Variants in GINM1 observed in about 807,000 individuals in gnomAD.
GINM1 encodes glycosylated integral membrane protein 1.
A neutral mutation model predicts 37.8 loss-of-function variants in GINM1; 29 were observed. That is an observed-to-expected ratio of 0.77 (90% CI 0.57 to 1.05). GINM1 has a LOEUF of 1.05. GINM1 is among the 50% of genes least tolerant of loss of function. The pLI is 0.00. For missense variants in GINM1, 377 were observed against 397.9 expected (o/e 0.95, Z 0.45); for synonymous variants, 143 against 146.2 (o/e 0.98, Z 0.16).
At chr6:149,577,016 G>A (rs1299777726) in intron 3 of GINM1, among the ~76,000 whole-genome samples, 1 of 152,198 alleles carries the variant, frequency 6.6e-6, no homozygotes, top group African/African-American at 2.4e-5. Flanking sequence ...ACATGGCAGA[G>A]CAGGAGCAAG....
intron 6 of GINM1, 50 bp from the exon 7 acceptor site, chr6:149,582,390 T>C (rs775616500): frequency 6.8e-6 from 10 of 1,475,568 alleles, no homozygotes; most frequent in African/African-American, 2.8e-5. Context: ...TTAAAGTTTA[T>C]TCTTAGAGAT....
intron 3 of GINM1, among the ~76,000 whole-genome samples, chr6:149,573,016 A>G (rs1047245154): frequency 6.6e-6 from 1 of 152,124 alleles, no homozygotes; most frequent in African/African-American, 2.4e-5. Context: ...TGGATGTTAT[A>G]TATTTCCATT....
At position 149,591,645 on chromosome 6, in the gene GINM1, A is replaced by G. The variant is rs1314539964; in HGVS notation, c.*807A>G. 5.3e-5 allele frequency: 8 copies of G among 152,028 alleles called. No homozygotes were observed. The highest frequency in any genetic ancestry group is 1.9e-4 in the African/African-American group (8 of 41,414). 9.4% of individuals were successfully genotyped at this position (152,028 alleles called of 1,614,324 possible). On this transcript the variant is annotated 3_prime_UTR_variant, in exon 8 of 8. Coordinates refer to ENST00000367419, the MANE Select transcript of GINM1 (RefSeq NM_138785.5). ...CTGAAGTGTATCATGATTTGATTGT[A>G]TCCTGTACCAAGACTACTTACCTTG...
chr6:149,572,848 G>C (rs1777850733), intron 3 of GINM1, among the ~76,000 whole-genome samples: 1 of 152,146 alleles, frequency 6.6e-6, no homozygotes, highest in Admixed American at 6.5e-5. Context: ...TTTTAGTAGA[G>C]ACAGGGTTTC....
intron 1 of GINM1, among the ~76,000 whole-genome samples, chr6:149,571,489 G>C (rs1358346732): frequency 6.6e-6 from 1 of 152,060 alleles, no homozygotes; most frequent in East Asian, 1.9e-4. Context: ...GAATACATGT[G>C]TACTGTTATC....
At chr6:149,571,744 A>G (rs1453235125) in intron 1 of GINM1, among the ~76,000 whole-genome samples, 2 of 152,130 alleles carry the variant, frequency 1.3e-5, no homozygotes, top group Non-Finnish European at 2.9e-5. Context: ...TGCATATTAT[A>G]TACTCATGTG....
At chr6:149,589,273 T>G (rs1778118023) in intron 7 of GINM1, among the ~76,000 whole-genome samples, 1 of 151,238 alleles carries the variant, frequency 6.6e-6, no homozygotes, top group South Asian at 2.1e-4. Flanking sequence ...ATTTATTTAT[T>G]TATTTATTTA....
intron 1 of GINM1, among the ~76,000 whole-genome samples, chr6:149,571,864 C>T (rs150502124): frequency 0.025 from 3,797 of 152,036 alleles, 180 homozygotes; most frequent in African/African-American, 0.086. Context: ...GGGCGGATCA[C>T]GAGATCAGGA....
chr6:149,578,186 A>G (rs1037850110), intron 3 of GINM1: 8 of 152,248 alleles, frequency 5.3e-5, no homozygotes, highest in Non-Finnish European at 1.0e-4. Context: ...CTGGCTTTAT[A>G]GTTGTGCCAT....
intron 3 of GINM1, among the ~76,000 whole-genome samples, chr6:149,573,023 C>T (rs865861738): frequency 1.3e-5 from 2 of 152,090 alleles, no homozygotes; most frequent in African/African-American, 2.4e-5. Context: ...TATATATTTC[C>T]ATTTTAAAGT....
intron 3 of GINM1, among the ~76,000 whole-genome samples, chr6:149,573,794 C>T (rs1777867519): frequency 6.6e-6 from 1 of 151,122 alleles, no homozygotes; most frequent in Admixed American, 6.6e-5. Flanking sequence ...CACTGTACTC[C>T]AGCCTGGGCA....
chr6:149,578,389 G>T (rs1056614163), intron 3 of GINM1, among the ~76,000 whole-genome samples: 2 of 152,022 alleles, frequency 1.3e-5, no homozygotes, highest in Non-Finnish European at 2.9e-5. Flanking sequence ...AGCTGAGCAT[G>T]GTGGTGCAAG....
chr6:149,580,854 G>T, intron 6 of GINM1, 131 bp downstream of exon 6: 1 of 683,346 alleles, frequency 1.5e-6, no homozygotes. Context: ...GACTCATCTT[G>T]GTCTTAATGT....
chr6:149,579,524 C>A (rs1777965953), intron 4 of GINM1, among the ~76,000 whole-genome samples: 1 of 152,028 alleles, frequency 6.6e-6, no homozygotes, highest in African/African-American at 2.4e-5. Context: ...AACTCCTTGT[C>A]TCTACTAAAA....
At chr6:149,571,207 C>T (rs953251117) in intron 1 of GINM1, among the ~76,000 whole-genome samples, 1 of 151,266 alleles carries the variant, frequency 6.6e-6, no homozygotes, top group African/African-American at 2.4e-5. Flanking sequence ...CCCAGCTACT[C>T]AGAAGGCTGA....
intron 1 of GINM1, among the ~76,000 whole-genome samples, chr6:149,569,337 C>CTTTT (rs372296900): frequency 1.6e-5 from 2 of 123,864 alleles, no homozygotes; most frequent in African/African-American, 3.0e-5. Flanking sequence ...CGCCCGGTCA[C>CTTTT]TTTTTTTTTT....
At chr6:149,586,781 C>T (rs1465777793) in intron 7 of GINM1, among the ~76,000 whole-genome samples, 1 of 152,134 alleles carries the variant, frequency 6.6e-6, no homozygotes, top group African/African-American at 2.4e-5. Flanking sequence ...GACAAGGTCT[C>T]ACCTTGACAC....
Position 149,566,509 on chromosome 6 carries a change from CG to C in GINM1, c.96del (p.Pro33ArgfsTer15). 6.5e-7 allele frequency: 1 copy of C among 1,532,124 alleles called. No homozygotes were observed. Among genetic ancestry groups the C allele is most frequent in the Non-Finnish European group, 8.7e-7 (1 of 1,148,290 alleles). 94.9% of individuals were successfully genotyped at this position (1,532,124 alleles called of 1,614,324 possible). On this transcript the variant is annotated frameshift_variant, in exon 1 of 8. Coordinates refer to ENST00000367419, the MANE Select transcript of GINM1 (RefSeq NM_138785.5). LOFTEE classifies it high-confidence loss of function. The surrounding 1 kb of genome is among the most constrained non-coding windows in gnomAD (Gnocchi z 4.4). ...TGGCTGACGACGGGCGCCCCCGAGC[CG>C]CCGCCGCTGTCCGGAGCCCCACAGG... ...SGWLTTGAPE[P>X]PPLSGAPQDG...
At chr6:149,567,428 A>AG (rs1777739110) in intron 1 of GINM1, among the ~76,000 whole-genome samples, 1 of 152,140 alleles carries the variant, frequency 6.6e-6, no homozygotes, top group South Asian at 2.1e-4. Context: ...ACAAAGGCGA[A>AG]GGGCACGGTA....
Sources: allele counts gnomAD v4.1 joint callset (sites outside exome capture counted in the v4.1 genomes callset), GRCh38; gene constraint gnomAD v4.1.1; non-coding constraint Gnocchi (gnomAD v3.1); transcripts MANE v1.5; gene names NCBI Gene and HGNC (gene_info 2026-07-23, HGNC 2026-07-21).